Variants in SCAPER observed in about 807,000 individuals in gnomAD.
The protein encoded by SCAPER is S-phase cyclin A associated protein in the ER, also known as S phase cyclin A-associated protein in the endoplasmic reticulum.
A neutral mutation model predicts 182.2 loss-of-function variants in SCAPER; 98 were observed. The ratio of observed to expected loss-of-function variants is 0.54; its 90% CI spans 0.46 to 0.64. The LOEUF is 0.64. Ranked by LOEUF, SCAPER falls within the 30% of genes least tolerant of loss-of-function variation. The pLI is 0.00. For synonymous variants in SCAPER, 605 were observed against 564.6 expected (o/e 1.07, Z -1.01); for missense variants, 1,432 against 1,690.0 (o/e 0.85, Z 2.68).
chr15:76,795,998 T>C (rs955914664), intron 7 of SCAPER, among the ~76,000 whole-genome samples: 3 of 151,948 alleles, frequency 2.0e-5, no homozygotes, highest in East Asian at 1.9e-4. Flanking sequence ...GAGGCAGAGG[T>C]TGTAGTGAGC....
chr15:76,494,053 T>C (rs1299755023), intron 24 of SCAPER, among the ~76,000 whole-genome samples: 1 of 152,206 alleles, frequency 6.6e-6, no homozygotes. Context: ...TAACAATGGA[T>C]TGTAGTATAA....
chr15:76,549,611 G>C (rs1430006438), intron 23 of SCAPER, among the ~76,000 whole-genome samples: 2 of 152,166 alleles, frequency 1.3e-5, no homozygotes, highest in African/African-American at 2.4e-5. Flanking sequence ...GTAGGGGGAA[G>C]GGGAGGGATA....
chr15:76,630,331 C>T (rs1432835371), intron 21 of SCAPER, among the ~76,000 whole-genome samples: 5 of 152,046 alleles, frequency 3.3e-5, no homozygotes, highest in African/African-American at 1.2e-4. Context: ...TATTTCTTTT[C>T]TTCTCCTAGC....
chr15:76,852,870 A>C (rs2070896081), intron 4 of SCAPER, among the ~76,000 whole-genome samples: 1 of 152,218 alleles, frequency 6.6e-6, no homozygotes, highest in Non-Finnish European at 1.5e-5. Context: ...CAAGACATGA[A>C]AAACCTTTCA....
chr15:76,584,744 G>T (rs1227515743), intron 22 of SCAPER, among the ~76,000 whole-genome samples: 1 of 152,030 alleles, frequency 6.6e-6, no homozygotes, highest in Non-Finnish European at 1.5e-5. Context: ...AAAAGACAGG[G>T]TCTTGCTATG....
intron 8 of SCAPER, among the ~76,000 whole-genome samples, chr15:76,779,328 A>C (rs150359741): frequency 6.6e-6 from 1 of 152,302 alleles, no homozygotes; most frequent in East Asian, 1.9e-4. Flanking sequence ...AACTGACATC[A>C]CACAAAGTAT....
At chr15:76,774,773 A>C in intron 9 of SCAPER, 82 bp downstream of exon 9, 1 of 1,400,954 alleles carries the variant, frequency 7.1e-7, no homozygotes, top group Non-Finnish European at 9.5e-7. Flanking sequence ...TAAAAAATGA[A>C]GTACAAAACT....
intron 21 of SCAPER, among the ~76,000 whole-genome samples, chr15:76,639,683 C>T (rs553612486): frequency 6.6e-6 from 1 of 151,766 alleles, no homozygotes; most frequent in African/African-American, 2.4e-5. Context: ...CGCCCCGTTG[C>T]TAATGTCCCC....
intron 29 of SCAPER, among the ~76,000 whole-genome samples, chr15:76,364,635 T>C (rs1362157361): frequency 6.6e-6 from 1 of 152,080 alleles, no homozygotes; most frequent in African/African-American, 2.4e-5. Context: ...AAAAGGCTTT[T>C]CCCCTCCTCA....
chr15:76,684,070 A>T (rs978591511), intron 20 of SCAPER, among the ~76,000 whole-genome samples: 2 of 152,220 alleles, frequency 1.3e-5, no homozygotes, highest in Non-Finnish European at 2.9e-5. Context: ...TAAGGGAGTG[A>T]TAAATATGAA....
intron 15 of SCAPER, among the ~76,000 whole-genome samples, chr15:76,737,706 T>C (rs2061345098): frequency 6.6e-6 from 1 of 152,210 alleles, no homozygotes; most frequent in Admixed American, 6.5e-5. Context: ...GCATTGCAAA[T>C]CTCTTGTTTG....
intron 14 of SCAPER, among the ~76,000 whole-genome samples, chr15:76,762,188 T>G (rs1236502574): frequency 3.3e-5 from 5 of 152,186 alleles, no homozygotes; most frequent in African/African-American, 1.2e-4. Flanking sequence ...GTATGTCTTT[T>G]TTTAATTCAC....
chr15:76,718,446 T>C (rs945469282), intron 17 of SCAPER, among the ~76,000 whole-genome samples: 1 of 151,998 alleles, frequency 6.6e-6, no homozygotes, highest in Non-Finnish European at 1.5e-5. Context: ...CCCAGCACTT[T>C]GGGAGGCAAA....
intron 24 of SCAPER, among the ~76,000 whole-genome samples, chr15:76,483,654 G>A (rs973568478): frequency 6.6e-6 from 1 of 151,972 alleles, no homozygotes; most frequent in African/African-American, 2.4e-5. Flanking sequence ...AACTTAATAC[G>A]AAGACAAAAA....
intron 23 of SCAPER, among the ~76,000 whole-genome samples, chr15:76,565,232 A>G (rs565291779): frequency 1.3e-5 from 2 of 152,340 alleles, no homozygotes; most frequent in South Asian, 2.1e-4. Flanking sequence ...GATAACCTAC[A>G]GAATGGGAGA....
At chr15:76,589,939 C>T (rs1034181885) in intron 22 of SCAPER, among the ~76,000 whole-genome samples, 2 of 152,208 alleles carry the variant, frequency 1.3e-5, no homozygotes, top group South Asian at 2.1e-4. Context: ...CCTTCTTCCA[C>T]GATCTGGAAC....
chr15:76,375,248 T>C (rs931810049), intron 29 of SCAPER, among the ~76,000 whole-genome samples: 7 of 147,450 alleles, frequency 4.7e-5, no homozygotes, highest in Non-Finnish European at 6.0e-5. Context: ...CAGAAACCTA[T>C]TTACAAATGA....
At chr15:76,419,211 C>T (rs929818890) in intron 26 of SCAPER, among the ~76,000 whole-genome samples, 4 of 152,044 alleles carry the variant, frequency 2.6e-5, no homozygotes, top group African/African-American at 9.7e-5. Context: ...CCAACCAACA[C>T]CCTAGGACCC....
chr15:76,752,894 C>CA (rs147340880), intron 15 of SCAPER, among the ~76,000 whole-genome samples: 77 of 149,726 alleles, frequency 5.1e-4, no homozygotes, highest in African/African-American at 1.6e-3. Context: ...GTTTTTCCCA[C>CA]AAAAAAAATA....
Sources: allele counts gnomAD v4.1 joint callset (sites outside exome capture counted in the v4.1 genomes callset), GRCh38; gene constraint gnomAD v4.1.1; transcripts MANE v1.5; gene names NCBI Gene and HGNC (gene_info 2026-07-23, HGNC 2026-07-21).